Variants in NOXRED1 observed in about 807,000 individuals in gnomAD.
NOXRED1 encodes the protein NADP-dependent oxidoreductase domain-containing protein 1.
Under a neutral mutation model 30.4 loss-of-function variants are expected in NOXRED1, and 20 were observed. The ratio of observed to expected loss-of-function variants is 0.66; its 90% CI spans 0.46 to 0.96. The LOEUF (loss-of-function observed/expected upper bound fraction) is 0.96. Among genes scored for constraint, NOXRED1 ranks in the 40% least tolerant of loss-of-function variants. NOXRED1 has a pLI of 0.00. For missense variants in NOXRED1, 374 were observed against 428.0 expected (o/e 0.87, Z 1.11); for synonymous variants, 155 against 168.0 (o/e 0.92, Z 0.60).
At chr14:77,399,622 A>G (rs916341671) in intron 5 of NOXRED1, among the ~76,000 whole-genome samples, 1 of 152,208 alleles carries the variant, frequency 6.6e-6, no homozygotes, top group Non-Finnish European at 1.5e-5. Context: ...TAGACTGTTC[A>G]TGGCCGAGGA....
intron 1 of NOXRED1, among the ~76,000 whole-genome samples, chr14:77,420,379 T>TTG (rs1555364030): frequency 7.4e-6 from 1 of 135,754 alleles, no homozygotes; most frequent in African/African-American, 2.5e-5. Context: ...TTTTTTTTTG[T>TTG]TTTGTTTTGT....
chr14:77,413,867 C>CAAA (rs1179059967), intron 2 of NOXRED1, 67 bp downstream of exon 2: 1 of 1,153,278 alleles, frequency 8.7e-7, no homozygotes, highest in Non-Finnish European at 1.2e-6. Flanking sequence ...AGGACCCTTT[C>CAAA]AAAATGGCTT....
At chr14:77,409,717 TAATA>T (rs1293427622) in intron 2 of NOXRED1, among the ~76,000 whole-genome samples, 7 of 152,328 alleles carry the variant, frequency 4.6e-5, no homozygotes, top group Admixed American at 3.3e-4. Flanking sequence ...AATTTTATTC[TAATA>T]AATATATTGC....
upstream of NOXRED1, among the ~76,000 whole-genome samples, chr14:77,424,145 C>T (rs968775218): frequency 1.3e-5 from 2 of 152,228 alleles, no homozygotes; most frequent in Non-Finnish European, 1.5e-5. Context: ...TATGACGACA[C>T]CATCTCTTTA....
intron 1 of NOXRED1, among the ~76,000 whole-genome samples, chr14:77,415,619 TAGATAGATAGATAGAC>T (rs1236835229): frequency 6.8e-6 from 1 of 147,170 alleles, no homozygotes; most frequent in African/African-American, 2.5e-5. Flanking sequence ...GATAGATAGA[TAGATAGATAGATAGAC>T]AGACAGACAG....
At chr14:77,413,649 T>C (rs1894722001) in intron 2 of NOXRED1, among the ~76,000 whole-genome samples, 2 of 152,072 alleles carry the variant, frequency 1.3e-5, no homozygotes, top group Admixed American at 1.3e-4. Flanking sequence ...AGTTAGAAGA[T>C]CTGAACTCTG....
Position 77,422,841 on chromosome 14 carries a change from G to A in NOXRED1, c.49C>T (p.Pro17Ser). 1 of 1,613,840 alleles carries A rather than the reference G, an allele frequency of 6.2e-7. No homozygotes were observed. Among genetic ancestry groups the A allele is most frequent in the Non-Finnish European group, 8.5e-7 (1 of 1,179,864 alleles). ...LESLQFEYGVPEEDRIWLYLQ... is the reference protein window; with the variant it reads ...LESLQFEYGVSEEDRIWLYLQ... ...TACAGCCAGATACGATCTTCCTCTGGAACCCCATACTCAAACTGCAGGGAC... is the reference window on the plus strand; with the variant it reads ...TACAGCCAGATACGATCTTCCTCTGAAACCCCATACTCAAACTGCAGGGAC... The change falls in exon 1 of 6, where the codon CCA becomes TCA. Residue 17 changes from proline (P) to serine (S), a missense_variant. Pro to Ser is a moderately conservative substitution (Grantham distance 74). Coordinates refer to ENST00000380835, the MANE Select transcript of NOXRED1 (RefSeq NM_001113475.3).
chr14:77,396,785 A>G (rs1894199209), intron 5 of NOXRED1, among the ~76,000 whole-genome samples: 1 of 152,232 alleles, frequency 6.6e-6, no homozygotes, highest in Non-Finnish European at 1.5e-5. Context: ...TGATGAAAGC[A>G]AAGAATATCT....
At chr14:77,408,892 A>ATTTGTTTTTT (rs1894556285) in intron 2 of NOXRED1, among the ~76,000 whole-genome samples, 2 of 68,154 alleles carry the variant, frequency 2.9e-5, no homozygotes, top group East Asian at 4.8e-4. Context: ...CTGGTAGTTA[A>ATTTGTTTTTT]TTTTTTTTTT....
At chr14:77,395,426 T>G (rs2139659209) in intron 5 of NOXRED1, among the ~76,000 whole-genome samples, 1 of 152,052 alleles carries the variant, frequency 6.6e-6, no homozygotes, top group African/African-American at 2.4e-5. Flanking sequence ...TTTCTCGAAT[T>G]TAGAAAGAAC....
At chr14:77,403,341 G>A (rs1356863730) in intron 5 of NOXRED1, among the ~76,000 whole-genome samples, 5 of 152,134 alleles carry the variant, frequency 3.3e-5, no homozygotes, top group South Asian at 2.1e-4. Flanking sequence ...ATAGTATAAC[G>A]AAACTCCATA....
At chr14:77,410,107 A>C (rs1375602020) in intron 2 of NOXRED1, among the ~76,000 whole-genome samples, 1 of 151,804 alleles carries the variant, frequency 6.6e-6, no homozygotes, top group Non-Finnish European at 1.5e-5. Context: ...CCAGTTGGTA[A>C]GATTTTTTTT....
chr14:77,412,621 G>A (rs1894689894), intron 2 of NOXRED1, among the ~76,000 whole-genome samples: 1 of 151,954 alleles, frequency 6.6e-6, no homozygotes, highest in African/African-American at 2.4e-5. Flanking sequence ...CAAGTGATTT[G>A]CCTGCCTCAG....
At position 77,395,760 on chromosome 14, in the gene NOXRED1, C is replaced by A. The variant is rs774633555; in HGVS notation, c.906-955G>T. Among the ~76,000 whole-genome samples the A allele has an allele frequency of 2.0e-5, 3 of 151,196 alleles. No homozygotes were observed. The South Asian group carries it at 6.3e-4, about 32-fold the overall frequency. Reference sequence around the variant, plus strand: ...GAGGCTGCAGTGAGCTATGATCACACCACTGCACTCTAGCCTGGGCTACAG... The same window carrying A: ...GAGGCTGCAGTGAGCTATGATCACAACACTGCACTCTAGCCTGGGCTACAG... On this transcript the variant is annotated intron_variant, in intron 5 of 5. Transcript: ENST00000380835.
chr14:77,402,735 T>C (rs1894360613), intron 5 of NOXRED1, among the ~76,000 whole-genome samples: 1 of 150,190 alleles, frequency 6.7e-6, no homozygotes, highest in Non-Finnish European at 1.5e-5. Context: ...AATAAGCATA[T>C]GAAAAGATGC....
Position 77,406,743 on chromosome 14 carries a change from G to A in NOXRED1, c.663C>T (p.Thr221=). 6.2e-7 allele frequency: 1 copy of A among 1,614,140 alleles called. No individual in the cohort carries two copies. The highest frequency in any genetic ancestry group is 1.1e-5 in the South Asian group (1 of 91,084). The change falls in exon 4 of 6, where the codon ACC becomes ACT. Residue 221 remains threonine (T), a synonymous_variant. Coordinates refer to ENST00000380835, the MANE Select transcript of NOXRED1 (RefSeq NM_001113475.3). Reference sequence around the variant, plus strand: ...CGTGACCAGCAGGACTGTAGGGACAGGTAGCTTGAAGAATCGTAGGATCTT... The same window carrying A: ...CGTGACCAGCAGGACTGTAGGGACAAGTAGCTTGAAGAATCGTAGGATCTT... ...ALQDPTILQA[T]CPYSPAGGII...
chr14:77,397,828 G>A, intron 5 of NOXRED1, among the ~76,000 whole-genome samples: 1 of 147,982 alleles, frequency 6.8e-6, no homozygotes, highest in Non-Finnish European at 1.5e-5. Context: ...GTTGCAGTTA[G>A]CCGAGATTGC....
At chr14:77,419,639 G>A (rs1308284681) in intron 1 of NOXRED1, among the ~76,000 whole-genome samples, 4 of 151,188 alleles carry the variant, frequency 2.6e-5, no homozygotes, top group Non-Finnish European at 5.9e-5. Context: ...TAGTAGAGAC[G>A]GTTTTTCACC....
In NOXRED1 at chr14:77,394,816, AAAAAT is replaced by A. The variant is rs1159215037; in HGVS notation, c.906-16_906-12del. ...AACCAGGGGAAAGGCCTGAGGTGAA[AAAAAT>A]ATTGTTACTTTTTTATGTCTGTTCA... On this transcript the variant is annotated splice_polypyrimidine_tract_variant and intron_variant, in intron 5 of 5. Transcript: ENST00000380835. 2.5e-6 allele frequency: 4 copies of A among 1,601,120 alleles called. No homozygotes were observed. Among genetic ancestry groups the A allele is most frequent in the Admixed American group, 3.4e-5 (2 of 58,264 alleles).
Sources: allele counts gnomAD v4.1 joint callset (sites outside exome capture counted in the v4.1 genomes callset), GRCh38; gene constraint gnomAD v4.1.1; transcripts MANE v1.5; gene names NCBI Gene and HGNC (gene_info 2026-07-23, HGNC 2026-07-21).